BBX: variants seen among roughly 807,000 people sequenced by gnomAD.
BBX encodes BBX high mobility group box domain containing, also known as HMG box transcription factor BBX.
BBX carries 30 observed loss-of-function variants against 100.2 expected under a neutral mutation model. That is an observed-to-expected ratio of 0.30 (90% confidence interval 0.22 to 0.41). BBX has a LOEUF of 0.41. Among genes scored for constraint, BBX ranks in the 10% least tolerant of loss-of-function variants. BBX has a pLI of 1.00. For synonymous variants in BBX, 376 were observed against 388.1 expected (o/e 0.97, Z 0.37); for missense variants, 1,023 against 1,129.8 (o/e 0.91, Z 1.35).
In BBX at chr3:107,773,212, C is replaced by T. The variant is rs767940064; in HGVS notation, c.1491C>T (p.Asp497=). The change falls in exon 11 of 18, where the codon GAC becomes GAT. Residue 497 remains aspartate (D), a synonymous_variant. Transcript: ENST00000325805. This position sits in a 1 kb window ranked among gnomAD's most constrained non-coding sequence, Gnocchi z 4.1. ...IYTIEAVAKG[D]WGIEKLGDTP... is the part of the protein sequence containing the mutation. ...CCATTGAAGCCGTCGCAAAAGGAGACTGGGGCATAGAGAAACTTGGAGATA... is the reference window on the plus strand; with the variant it reads ...CCATTGAAGCCGTCGCAAAAGGAGATTGGGGCATAGAGAAACTTGGAGATA... 1 of 1,614,088 alleles carries T rather than the reference C, an allele frequency of 6.2e-7. No homozygotes were observed. The highest frequency in any genetic ancestry group is 2.2e-5 in the East Asian group (1 of 44,874).
intron 3 of BBX, among the ~76,000 whole-genome samples, chr3:107,655,724 G>A (rs1264660292): frequency 2.0e-5 from 3 of 148,598 alleles, no homozygotes; most frequent in African/African-American, 4.9e-5. Context: ...TTTTTGAGAC[G>A]GAGTCTTGCT....
chr3:107,772,973 A>G lies in BBX; in HGVS notation c.1252A>G (p.Ile418Val). The G allele has an allele frequency of 1.9e-6, 3 of 1,613,628 alleles. No individual in the cohort carries two copies. The highest frequency in any genetic ancestry group is 2.5e-6 in the Non-Finnish European group (3 of 1,179,920). Residue 418 changes from isoleucine (I) to valine (V), a missense_variant, in exon 11 of 18, where the codon ATA becomes GTA. Around this residue, in one of 9 missense-constraint regions of BBX, gnomAD observed 348 missense variants for 353.2 expected, o/e 0.99. Transcript: ENST00000325805. ...DFSYSASSKIIISDVPSRKDH... is the reference protein window; with the variant it reads ...DFSYSASSKIVISDVPSRKDH... ...TTCTTATTCTGCCAGTAGCAAGATA[A>G]TAATTAGTGATGTTCCCAGTAGAAA...
chr3:107,652,595 A>T (rs747804123), intron 3 of BBX, among the ~76,000 whole-genome samples: 4 of 152,216 alleles, frequency 2.6e-5, no homozygotes, highest in African/African-American at 4.8e-5. Flanking sequence ...TGTGAAATTC[A>T]CTAGTTGAGG....
chr3:107,616,845 C>T (rs1434236858), intron 2 of BBX, among the ~76,000 whole-genome samples: 1 of 152,056 alleles, frequency 6.6e-6, no homozygotes, highest in African/African-American at 2.4e-5. Flanking sequence ...TGTAGCTTGT[C>T]TTTTCATCAT....
chr3:107,777,843 C>T (rs2067450623), intron 12 of BBX, among the ~76,000 whole-genome samples: 1 of 152,086 alleles, frequency 6.6e-6, no homozygotes, highest in South Asian at 2.1e-4. Context: ...TTTAATCAAA[C>T]AGTAGTCAGT....
At chr3:107,755,011 G>A (rs1435406014) in intron 9 of BBX, among the ~76,000 whole-genome samples, 3 of 152,144 alleles carry the variant, frequency 2.0e-5, no homozygotes, top group Non-Finnish European at 4.4e-5. Context: ...ACACAGCATA[G>A]GCCATTAACT....
chr3:107,610,847 A>G (rs902789307), intron 2 of BBX, among the ~76,000 whole-genome samples: 9 of 143,486 alleles, frequency 6.3e-5, no homozygotes, highest in African/African-American at 2.4e-4. Flanking sequence ...TAGTCCATTT[A>G]CATCACATGT....
intron 2 of BBX, among the ~76,000 whole-genome samples, chr3:107,578,735 C>T (rs1383035770): frequency 6.6e-6 from 1 of 152,084 alleles, no homozygotes; most frequent in African/African-American, 2.4e-5. Flanking sequence ...GGTGCCTCCT[C>T]CCTTGAAGAA....
At chr3:107,679,036 A>G (rs2059434340) in intron 3 of BBX, among the ~76,000 whole-genome samples, 1 of 152,094 alleles carries the variant, frequency 6.6e-6, no homozygotes, top group Admixed American at 6.6e-5. Flanking sequence ...AAGAGAGTTC[A>G]CAGTTAACAT....
intron 2 of BBX, among the ~76,000 whole-genome samples, chr3:107,618,590 A>T (rs1468059960): frequency 6.6e-6 from 1 of 152,040 alleles, no homozygotes; most frequent in Non-Finnish European, 1.5e-5. Flanking sequence ...TTGATATGCT[A>T]TATTTTCATG....
chr3:107,613,941 G>GTT lies in BBX; in HGVS notation c.-83-31867_-83-31866dup, dbSNP rs533672871. Among the ~76,000 whole-genome samples the GTT allele has an allele frequency of 7.0e-3, 608 of 86,594 alleles. 94 individuals are homozygous for GTT. The highest frequency in any genetic ancestry group is 9.4e-3 in the Non-Finnish European group (392 of 41,644). 56.8% of individuals were successfully genotyped at this position (86,594 alleles called of 152,430 possible). ...TGAAATTCAGGGTCAACATACCATG[G>GTT]TTTTTTTTTTTTTTTTTTTTTTTTT... On this transcript the variant is annotated intron_variant, in intron 2 of 17. Transcript: ENST00000325805.
At chr3:107,587,416 G>T (rs533178589) in intron 2 of BBX, among the ~76,000 whole-genome samples, 28 of 151,468 alleles carry the variant, frequency 1.8e-4, no homozygotes, top group Non-Finnish European at 3.8e-4. Flanking sequence ...ATATTGGAAT[G>T]ATTTGGATCT....
At chr3:107,647,580 A>G (rs1427896709) in intron 3 of BBX, among the ~76,000 whole-genome samples, 2 of 152,236 alleles carry the variant, frequency 1.3e-5, no homozygotes, top group Non-Finnish European at 2.9e-5. Flanking sequence ...TAAATGCAGT[A>G]TTAACTGAGA....
At chr3:107,734,559 A>G (rs945693933) in intron 7 of BBX, among the ~76,000 whole-genome samples, 4 of 152,218 alleles carry the variant, frequency 2.6e-5, no homozygotes, top group African/African-American at 9.6e-5. Context: ...TTGACCTTTC[A>G]ACATGTCTGA....
At position 107,659,837 on chromosome 3, in the gene BBX, C is replaced by T. The variant is rs1576217161; in HGVS notation, c.-10+13928C>T. 6 of 963,998 alleles carry T rather than the reference C, an allele frequency of 6.2e-6. No homozygotes were observed. The African/African-American group carries it at 6.9e-5, about 11-fold the overall frequency. The allele number at this position is 963,998 out of a possible 1,614,324, so 59.7% of individuals were successfully genotyped here. On this transcript the variant is annotated intron_variant, in intron 3 of 17. Transcript: ENST00000325805. ...GACTAGAAATGCTGTTCTAGAAATGCATCAGTTCCTAGCAAGAGGTTTATG... is the reference window on the plus strand; with the variant it reads ...GACTAGAAATGCTGTTCTAGAAATGTATCAGTTCCTAGCAAGAGGTTTATG...
intron 2 of BBX, among the ~76,000 whole-genome samples, chr3:107,595,484 G>A (rs1012898463): frequency 4.6e-5 from 7 of 152,058 alleles, no homozygotes; most frequent in Non-Finnish European, 1.0e-4. Context: ...CTGAAGCTTC[G>A]GACTATCAAA....
intron 2 of BBX, among the ~76,000 whole-genome samples, chr3:107,612,741 A>G (rs145258856): frequency 2.0e-5 from 3 of 152,122 alleles, no homozygotes; most frequent in Admixed American, 6.5e-5. Flanking sequence ...TGTAACCACT[A>G]CTTGTCTACT....
intron 6 of BBX, among the ~76,000 whole-genome samples, chr3:107,732,337 A>G (rs762275654): frequency 1.3e-5 from 2 of 152,224 alleles, no homozygotes; most frequent in Non-Finnish European, 1.5e-5. Flanking sequence ...CATAAAAAGC[A>G]TTAATTTTAT....
intron 8 of BBX, among the ~76,000 whole-genome samples, chr3:107,746,165 A>G (rs1464228509): frequency 6.6e-6 from 1 of 152,152 alleles, no homozygotes; most frequent in Admixed American, 6.5e-5. Context: ...TATTGTATTT[A>G]GGTATAACCT....
Sources: allele counts gnomAD v4.1 joint callset (sites outside exome capture counted in the v4.1 genomes callset), GRCh38; gene constraint gnomAD v4.1.1; regional missense constraint gnomAD v4.1.1; non-coding constraint Gnocchi (gnomAD v3.1); transcripts MANE v1.5; gene names NCBI Gene and HGNC (gene_info 2026-07-23, HGNC 2026-07-21).